KCTD14: variants seen among roughly 807,000 people sequenced by gnomAD.
The protein encoded by KCTD14 is BTB/POZ domain-containing protein KCTD14.
Under a neutral mutation model 5.9 loss-of-function variants are expected in KCTD14, and 7 were observed. That is an observed-to-expected ratio of 1.19 (90% CI 0.68 to 2.23). KCTD14 has a LOEUF of 2.23. Among genes scored for constraint, KCTD14 ranks in the 30% most tolerant of loss-of-function variants. The pLI is 0.00. For synonymous variants in KCTD14, 140 were observed against 133.1 expected (o/e 1.05, Z -0.36); for missense variants, 342 against 332.2 (o/e 1.03, Z -0.23).
upstream of KCTD14, among the ~76,000 whole-genome samples, chr11:78,024,394 AAAAAT>A (rs1450370669): frequency 1.2e-3 from 125 of 100,556 alleles, 2 homozygotes; most frequent in South Asian, 0.011. Flanking sequence ...AAAAAAAAAA[AAAAAT>A]ATATATATAT....
intron 1 of KCTD14, among the ~76,000 whole-genome samples, chr11:78,045,328 T>A (rs1858104712): frequency 1.3e-5 from 2 of 152,204 alleles, no homozygotes; most frequent in Admixed American, 1.3e-4. Flanking sequence ...GGTCTTGAAC[T>A]CCTGAGCTCA....
chr11:78,038,702 C>A, exon 2 of KCTD14: 1 of 1,535,756 alleles, frequency 6.5e-7, no homozygotes, highest in South Asian at 1.2e-5. Flanking sequence ...ACAGCAAACA[C>A]AGCAGGGGTG....
intron 2 of KCTD14, among the ~76,000 whole-genome samples, chr11:78,028,519 C>A (rs1857527956): frequency 6.6e-6 from 1 of 150,858 alleles, no homozygotes; most frequent in Non-Finnish European, 1.5e-5. Flanking sequence ...AGGAGAATTG[C>A]TTGAATCCGG....
At chr11:78,025,766 G>C (rs1479609597), upstream of KCTD14, among the ~76,000 whole-genome samples, 1 of 152,090 alleles carries the variant, frequency 6.6e-6, no homozygotes, top group African/African-American at 2.4e-5. Flanking sequence ...TGTTTTGTGG[G>C]GTTGTTTTCC....
In KCTD14 at chr11:78,029,438, T is replaced by C. The variant is rs557140511; in HGVS notation, c.-1+9226A>G. The stretch of plus-strand genomic sequence containing the variant: ...TTGCAGGGTAATTCCCCAGAACTAG[T>C]ATATTGATCCAGATTTTCTGTTTTT... On this transcript the variant is annotated intron_variant, in intron 2 of 2. Coordinates refer to the KCTD14 transcript ENST00000533144. Among the ~76,000 whole-genome samples, 3 of 152,274 alleles carry C rather than the reference T, an allele frequency of 2.0e-5. No homozygotes were observed. The East Asian group carries it at 5.8e-4, about 29-fold the overall frequency.
intron 1 of KCTD14, among the ~76,000 whole-genome samples, chr11:78,039,150 C>G (rs1435604385): frequency 6.6e-6 from 1 of 151,212 alleles, no homozygotes; most frequent in Non-Finnish European, 1.5e-5. Flanking sequence ...GGACCTTGAA[C>G]TGGGACAGGG....
In KCTD14 at chr11:78,022,960, G is replaced by C. The variant is rs1163401098; in HGVS notation, c.90+200C>G. 3 of 543,150 alleles carry C rather than the reference G, an allele frequency of 5.5e-6. No homozygotes were observed. The African/African-American group carries it at 6.0e-5, about 11-fold the overall frequency. 33.6% of individuals were successfully genotyped at this position (543,150 alleles called of 1,614,324 possible). Reference sequence around the variant, plus strand: ...CCAAACCAGAAAGGGACACCGAGGCGCGAAAGGAGAGTGATCCCAGCAGGA... The same window carrying C: ...CCAAACCAGAAAGGGACACCGAGGCCCGAAAGGAGAGTGATCCCAGCAGGA... On this transcript the variant is annotated intron_variant, in intron 1 of 1. Coordinates refer to ENST00000353172, the MANE Select transcript of KCTD14 (RefSeq NM_023930.4).
rs138302810 is a variant in KCTD14 at position 78,040,763 on chromosome 11, C to T, written c.-95-2005G>A. On this transcript the variant is annotated intron_variant, in intron 1 of 2. Transcript: ENST00000533144. ...TTGGCTCACTGCAACCTCCGCCTTCCGGGTTCAAGCAATTCTTCTGCCTCA... is the reference window on the plus strand; with the variant it reads ...TTGGCTCACTGCAACCTCCGCCTTCTGGGTTCAAGCAATTCTTCTGCCTCA... Among the ~76,000 whole-genome samples, 1,380 of 152,136 alleles carry T rather than the reference C, an allele frequency of 9.1e-3. 21 individuals are homozygous for T. The highest frequency in any genetic ancestry group is 0.031 in the African/African-American group (1,294 of 41,484).
chr11:78,045,297 G>T (rs966423697), intron 1 of KCTD14, among the ~76,000 whole-genome samples: 2 of 152,146 alleles, frequency 1.3e-5, no homozygotes, highest in Admixed American at 1.3e-4. Flanking sequence ...TAGAGACAAG[G>T]TTTGCCATGT....
chr11:78,043,601 C>A (rs546207464), intron 1 of KCTD14, among the ~76,000 whole-genome samples: 3 of 152,300 alleles, frequency 2.0e-5, no homozygotes, highest in Non-Finnish European at 2.9e-5. Flanking sequence ...AGTGGAGGGG[C>A]CCCCTGAACC....
chr11:78,018,625 T>C (rs1348119897), intron 1 of KCTD14, among the ~76,000 whole-genome samples: 2 of 151,806 alleles, frequency 1.3e-5, no homozygotes, highest in Non-Finnish European at 2.9e-5. Flanking sequence ...GAGAATCGCT[T>C]GAACCCAGGA....
At chr11:78,025,767 G>A (rs544483565), upstream of KCTD14, among the ~76,000 whole-genome samples, 4 of 152,144 alleles carry the variant, frequency 2.6e-5, no homozygotes, top group South Asian at 2.1e-4. Flanking sequence ...GTTTTGTGGG[G>A]TTGTTTTCCT....
chr11:78,040,313 C>A (rs1857952994), intron 1 of KCTD14, among the ~76,000 whole-genome samples: 1 of 151,974 alleles, frequency 6.6e-6, no homozygotes, highest in Non-Finnish European at 1.5e-5. Flanking sequence ...TTTCTCCTGT[C>A]TTCTCCTTCT....
At chr11:78,025,118 G>GTGTGTGTGTGTGTA, upstream of KCTD14, among the ~76,000 whole-genome samples, 1 of 44,484 alleles carries the variant, frequency 2.2e-5, no homozygotes, top group African/African-American at 6.9e-5. Flanking sequence ...GTGTGTGTGT[G>GTGTGTGTGTGTGTA]TATATATATA....
At chr11:78,019,388 A>G (rs1388451315) in intron 1 of KCTD14, among the ~76,000 whole-genome samples, 1 of 151,850 alleles carries the variant, frequency 6.6e-6, no homozygotes, top group African/African-American at 2.4e-5. Context: ...GCATGATCAT[A>G]ACTCACTGCA....
chr11:78,040,515 C>T (rs570662452), intron 1 of KCTD14, among the ~76,000 whole-genome samples: 69 of 151,510 alleles, frequency 4.6e-4, no homozygotes, highest in Non-Finnish European at 6.9e-4. Context: ...TAATTTTCTC[C>T]GCCTGGAATC....
At chr11:78,026,466 G>GAAAAC (rs1387061963), upstream of KCTD14, among the ~76,000 whole-genome samples, 1 of 151,850 alleles carries the variant, frequency 6.6e-6, no homozygotes, top group African/African-American at 2.4e-5. Context: ...GAAAAGAAAA[G>GAAAAC]AAAAGACATC....
upstream of KCTD14, among the ~76,000 whole-genome samples, chr11:78,026,174 C>T (rs769855468): frequency 6.6e-6 from 1 of 152,148 alleles, no homozygotes; most frequent in Admixed American, 6.5e-5. Flanking sequence ...TGGTGACTCA[C>T]GCCTGTAATC....
intron 1 of KCTD14, 63 bp from the exon 2 acceptor site, chr11:78,017,333 T>TATCCAAAGGATAACTGGATAA: frequency 2.0e-6 from 3 of 1,503,802 alleles, no homozygotes; most frequent in Non-Finnish European, 1.8e-6. Flanking sequence ...TACTTATTTT[T>TATCCAAAGGATAACTGGATAA]ATCCAAAGGA....
Sources: allele counts gnomAD v4.1 joint callset (sites outside exome capture counted in the v4.1 genomes callset), GRCh38; gene constraint gnomAD v4.1.1; transcripts MANE v1.5; gene names NCBI Gene and HGNC (gene_info 2026-07-23, HGNC 2026-07-21).